MFSD6: variants seen among roughly 807,000 people sequenced by gnomAD.
MFSD6 encodes major facilitator superfamily domain containing 6, also known as major facilitator superfamily domain-containing protein 6.
Under a neutral mutation model 56.3 loss-of-function variants are expected in MFSD6, and 26 were observed. That is an observed-to-expected ratio of 0.46 (90% CI 0.34 to 0.64). The LOEUF (loss-of-function observed/expected upper bound fraction) is 0.64, where lower values mean the gene tolerates loss of function less well. MFSD6 is among the 30% of genes least tolerant of loss of function. MFSD6 has a pLI of 0.01. For missense variants in MFSD6, 750 were observed against 986.2 expected, an observed-to-expected ratio of 0.76 and a Z score of 3.21; for synonymous variants, 331 against 366.9, an observed-to-expected ratio of 0.90 and a Z score of 1.12.
At chr2:190,464,355 G>A (rs1687488504) in intron 3 of MFSD6, among the ~76,000 whole-genome samples, 1 of 152,150 alleles carries the variant, frequency 6.6e-6, no homozygotes, top group Non-Finnish European at 1.5e-5. Context: ...GTGAATAGGG[G>A]TTCTCTGGTG....
chr2:190,442,224 A>G (rs1312811637), intron 3 of MFSD6, among the ~76,000 whole-genome samples: 3 of 152,198 alleles, frequency 2.0e-5, no homozygotes, highest in Admixed American at 2.0e-4. Flanking sequence ...ACCAAGTATT[A>G]TTCTATATTA....
chr2:190,447,079 A>C lies in MFSD6; in HGVS notation c.1532+9518A>C, dbSNP rs1686610425. 6.8e-6 allele frequency among the ~76,000 whole-genome samples: 1 copy of C among 146,052 alleles called. No individual in the cohort carries two copies. Among genetic ancestry groups the C allele is most frequent in the Admixed American group, 6.8e-5 (1 of 14,812 alleles). ...AAAATATGCAGTCTCTCTCTGATTC[A>C]TAGGCTCAGTAAAAAAAAAAACTTG... On this transcript the variant is annotated intron_variant, in intron 3 of 7. Transcript: ENST00000392328. This position sits in a 1 kb window ranked among gnomAD's most constrained non-coding sequence, Gnocchi z 4.5.
intron 4 of MFSD6, among the ~76,000 whole-genome samples, chr2:190,483,224 G>A (rs1406133670): frequency 6.6e-6 from 1 of 151,950 alleles, no homozygotes; most frequent in African/African-American, 2.4e-5. Context: ...AGCTTGTGGG[G>A]TATGTTTGAT....
chr2:190,489,716 C>G lies in MFSD6; in HGVS notation c.1793-52C>G, dbSNP rs1339852544. The G allele has an allele frequency of 2.7e-6, 4 of 1,506,954 alleles. No homozygotes were observed. Among genetic ancestry groups the G allele is most frequent in the Non-Finnish European group, 3.7e-6 (4 of 1,093,100 alleles). The allele number at this position is 1,506,954 out of a possible 1,614,324, so 93.3% of individuals were successfully genotyped here. ...TAGAAAACTGATGGTTTTAGATGAGCGCTATCTGCATTTCTTGGAATTACT... is the reference window on the plus strand; with the variant it reads ...TAGAAAACTGATGGTTTTAGATGAGGGCTATCTGCATTTCTTGGAATTACT... On this transcript the variant is annotated intron_variant, in intron 5 of 7. Coordinates refer to ENST00000392328, the MANE Select transcript of MFSD6 (RefSeq NM_017694.4). The surrounding 1 kb of genome is among the most constrained non-coding windows in gnomAD (Gnocchi z 6.6).
At position 190,502,230 on chromosome 2, in the gene MFSD6, G is replaced by A. The variant is rs956515440; in HGVS notation, c.*2012G>A. Reference sequence around the variant, plus strand: ...AGCCTTGTGAGCTGACACCTTCATGGGTTTGTGGACTTTGTGACTTTTTCT... The same window carrying A: ...AGCCTTGTGAGCTGACACCTTCATGAGTTTGTGGACTTTGTGACTTTTTCT... On this transcript the variant is annotated 3_prime_UTR_variant, in exon 8 of 8. Coordinates refer to ENST00000392328, the MANE Select transcript of MFSD6 (RefSeq NM_017694.4). This position sits in a 1 kb window ranked among gnomAD's most constrained non-coding sequence, Gnocchi z 4.4. 5 of 152,064 alleles carry A rather than the reference G, an allele frequency of 3.3e-5. No homozygotes were observed. The highest frequency in any genetic ancestry group is 1.2e-4 in the African/African-American group (5 of 41,358). The allele number at this position is 152,064 out of a possible 1,614,324, so 9.4% of individuals were successfully genotyped here. A position where few individuals can be genotyped will look rare whatever the true frequency, so the allele number is the denominator to read the frequency against.
chr2:190,488,355 T>C lies in MFSD6; in HGVS notation c.1631-302T>C, dbSNP rs1689136362. On this transcript the variant is annotated intron_variant, in intron 4 of 7. Transcript: ENST00000392328. The surrounding 1 kb of genome is among the most constrained non-coding windows in gnomAD (Gnocchi z 6.4). ...CACATTCAAGAGACAGGAAGTAGAA[T>C]GGTGGTTGTCAGGGGATGGGACAAG... 6.6e-6 allele frequency among the ~76,000 whole-genome samples: 1 copy of C among 151,988 alleles called. No individual in the cohort carries two copies. Among genetic ancestry groups the C allele is most frequent in the African/African-American group, 2.4e-5 (1 of 41,380 alleles).
chr2:190,441,377 G>A (rs189940060), intron 3 of MFSD6, among the ~76,000 whole-genome samples: 6 of 148,956 alleles, frequency 4.0e-5, no homozygotes, highest in East Asian at 2.0e-4. Context: ...GGCATTCAAC[G>A]TTTTTACAGC....
chr2:190,410,446 G>A lies in MFSD6; in HGVS notation c.-176+1943G>A, dbSNP rs561309883. Among the ~76,000 whole-genome samples, 13 of 152,254 alleles carry A rather than the reference G, an allele frequency of 8.5e-5. No homozygotes were observed. The highest frequency in any genetic ancestry group is 1.8e-4 in the Non-Finnish European group (12 of 68,024). On this transcript the variant is annotated intron_variant, in intron 1 of 7. Coordinates refer to ENST00000392328, the MANE Select transcript of MFSD6 (RefSeq NM_017694.4). This position sits in a 1 kb window ranked among gnomAD's most constrained non-coding sequence, Gnocchi z 4.4. Reference sequence around the variant, plus strand: ...GAACCTATTAAGTCTCTCCACCTACGCAGATGTCTTCCTTAGCTTCGTGCC... The same window carrying A: ...GAACCTATTAAGTCTCTCCACCTACACAGATGTCTTCCTTAGCTTCGTGCC...
At chr2:190,440,793 A>G (rs1044035312) in intron 3 of MFSD6, among the ~76,000 whole-genome samples, 3 of 152,234 alleles carry the variant, frequency 2.0e-5, no homozygotes, top group Non-Finnish European at 4.4e-5. Flanking sequence ...TTAGCCATCA[A>G]TTACTACTTA....
At chr2:190,452,204 G>A (rs887958011) in intron 3 of MFSD6, among the ~76,000 whole-genome samples, 2 of 151,940 alleles carry the variant, frequency 1.3e-5, no homozygotes, top group Non-Finnish European at 2.9e-5. Flanking sequence ...GCAGTGAGCC[G>A]AGATTGCGCC....
Position 190,458,910 on chromosome 2 carries a change from C to A in MFSD6, c.1533-10848C>A, listed in dbSNP as rs1300676596. On this transcript the variant is annotated intron_variant, in intron 3 of 7. Transcript: ENST00000392328. The surrounding 1 kb of genome is among the most constrained non-coding windows in gnomAD (Gnocchi z 5.3). The stretch of plus-strand genomic sequence containing the variant: ...CCTGCGCCAGAGGTCCCAGGCAGCT[C>A]TAGGATCAAGTTCAGCTGAGAACAG... Among the ~76,000 whole-genome samples, 1 of 152,180 alleles carries A rather than the reference C, an allele frequency of 6.6e-6. No homozygotes were observed. Among genetic ancestry groups the A allele is most frequent in the Non-Finnish European group, 1.5e-5 (1 of 68,034 alleles).
chr2:190,473,714 G>A (rs949309123), intron 4 of MFSD6, among the ~76,000 whole-genome samples: 9 of 152,158 alleles, frequency 5.9e-5, no homozygotes, highest in African/African-American at 1.9e-4. Flanking sequence ...GCTTTCCTGA[G>A]TGGACCTAAT....
intron 2 of MFSD6, among the ~76,000 whole-genome samples, chr2:190,427,906 A>G (rs1685833920): frequency 6.6e-6 from 1 of 151,980 alleles, no homozygotes; most frequent in Non-Finnish European, 1.5e-5. Context: ...TAATTTTTGT[A>G]TTTTTAGTAG....
chr2:190,436,897 G>A lies in MFSD6; in HGVS notation c.868G>A (p.Val290Met), dbSNP rs1414818513. The A allele has an allele frequency of 6.2e-7, 1 of 1,614,168 alleles. No individual in the cohort carries two copies. The highest frequency in any genetic ancestry group is 8.5e-7 in the Non-Finnish European group (1 of 1,180,034). Reference sequence around the variant, plus strand: ...ACAAGAAGTTGAAGCTATATTCTTGGTGATCTTGGTAGTTGTCATAATAGG... The same window carrying A: ...ACAAGAAGTTGAAGCTATATTCTTGATGATCTTGGTAGTTGTCATAATAGG... ...DQQEVEAIFL[V>M]ILVVVIIGEF... Residue 290 changes from valine to methionine, a missense_variant, in exon 3 of 8, where the codon GTG (valine) becomes ATG (methionine). This residue lies in a region of MFSD6 where 376 missense variants were observed against 437.9 expected (regional missense o/e 0.86). Transcript: ENST00000392328. The surrounding 1 kb of genome is among the most constrained non-coding windows in gnomAD (Gnocchi z 5.3).
rs1222938420 is a variant in MFSD6 at position 190,502,209 on chromosome 2, T to C, written c.*1991T>C. On this transcript the variant is annotated 3_prime_UTR_variant, in exon 8 of 8. Coordinates refer to ENST00000392328, the MANE Select transcript of MFSD6 (RefSeq NM_017694.4). The surrounding 1 kb of genome is among the most constrained non-coding windows in gnomAD (Gnocchi z 4.4). ...ATCGATAATGCAGTCATTTCCAGCC[T>C]TGTGAGCTGACACCTTCATGGGTTT... is the stretch of plus-strand genomic sequence containing the variant. 1 of 152,178 alleles carries C rather than the reference T, an allele frequency of 6.6e-6. No individual in the cohort carries two copies. Among genetic ancestry groups the C allele is most frequent in the African/African-American group, 2.4e-5 (1 of 41,404 alleles). The allele number at this position is 152,178 out of a possible 1,614,324, so 9.4% of individuals were successfully genotyped here.
In MFSD6 at chr2:190,501,768, A is replaced by G. The variant is rs1690034664; in HGVS notation, c.*1550A>G. 1 of 152,690 alleles carries G rather than the reference A, an allele frequency of 6.5e-6. No homozygotes were observed. Among genetic ancestry groups the G allele is most frequent in the Non-Finnish European group, 1.5e-5 (1 of 68,044 alleles). The allele number at this position is 152,690 out of a possible 1,614,324, so 9.5% of individuals were successfully genotyped here. ...TAAAAATAAAATAACTGAAAGAAAT[A>G]GAATTCAGCAAATAGTTATTTTTTG... is the stretch of plus-strand genomic sequence containing the variant. On this transcript the variant is annotated 3_prime_UTR_variant, in exon 8 of 8. Coordinates refer to ENST00000392328, the MANE Select transcript of MFSD6 (RefSeq NM_017694.4).
rs1326629686 is a variant in MFSD6 at position 190,418,872 on chromosome 2, G to T, written c.-54+3459G>T. On this transcript the variant is annotated intron_variant, in intron 2 of 7. Coordinates refer to ENST00000392328, the MANE Select transcript of MFSD6 (RefSeq NM_017694.4). This position sits in a 1 kb window ranked among gnomAD's most constrained non-coding sequence, Gnocchi z 4.1. Reference sequence around the variant, plus strand: ...GCTCTGGGGAGCTAGTAGCAGCTCTGGGGAGCCCGTGGGCAGTGCTGAGTG... The same window carrying T: ...GCTCTGGGGAGCTAGTAGCAGCTCTTGGGAGCCCGTGGGCAGTGCTGAGTG... Among the ~76,000 whole-genome samples, 1 of 152,242 alleles carries T rather than the reference G, an allele frequency of 6.6e-6. No individual in the cohort carries two copies. Among genetic ancestry groups the T allele is most frequent in the Non-Finnish European group, 1.5e-5 (1 of 68,040 alleles).
At chr2:190,473,687 T>C (rs1574196528) in intron 4 of MFSD6, among the ~76,000 whole-genome samples, 1 of 152,134 alleles carries the variant, frequency 6.6e-6, no homozygotes, top group African/African-American at 2.4e-5. Context: ...AGTAAGGATA[T>C]CCAGGAATTG....
rs886130179 is a variant in MFSD6, at chr2:190,433,481, G to A, written c.-53-2496G>A. On this transcript the variant is annotated intron_variant, in intron 2 of 7. Transcript: ENST00000392328. This position sits in a 1 kb window ranked among gnomAD's most constrained non-coding sequence, Gnocchi z 4.5. ...TCACATTTTCTAGGAGGAAAAAAAT[G>A]TTTTTCTTTCACTATTAAGAAAAAC... The A allele has an allele frequency of 3.3e-5, 5 of 152,268 alleles. No individual in the cohort carries two copies. Among genetic ancestry groups the A allele is most frequent in the African/African-American group, 1.2e-4 (5 of 41,556 alleles). The allele number at this position is 152,268 out of a possible 1,614,324, so 9.4% of individuals were successfully genotyped here. A position where few individuals can be genotyped will look rare whatever the true frequency, so the allele number is the denominator to read the frequency against.
Sources: gnomAD v4.1 joint callset for allele counts (sites outside exome capture counted in the v4.1 genomes callset) on GRCh38, gnomAD v4.1.1 for gene constraint, gnomAD v4.1.1 regional missense constraint, Gnocchi (gnomAD v3.1) non-coding constraint, MANE v1.5 for transcripts, NCBI Gene and HGNC (gene_info 2026-07-23, HGNC 2026-07-21) for gene names.